SPATA6L: variants seen among roughly 807,000 people sequenced by gnomAD.
SPATA6L encodes spermatogenesis associated 6 like.
A neutral mutation model predicts 49.2 loss-of-function variants in SPATA6L; 68 were observed. The ratio of observed to expected loss-of-function variants is 1.38; its 90% CI spans 1.14 to 1.69. SPATA6L has a LOEUF of 1.69. SPATA6L is among the 40% of genes most tolerant of loss of function. The pLI is 0.00. For synonymous variants in SPATA6L, 198 were observed against 165.7 expected (o/e 1.19, Z -1.50); for missense variants, 668 against 464.3 (o/e 1.44, Z -4.03).
At chr9:4,616,974 A>G (rs1828174963) in intron 9 of SPATA6L, among the ~76,000 whole-genome samples, 1 of 152,242 alleles carries the variant, frequency 6.6e-6, no homozygotes, top group African/African-American at 2.4e-5. Context: ...GGATTTTATT[A>G]AAATATTTGA....
chr9:4,638,795 T>C (rs914699998), intron 3 of SPATA6L, among the ~76,000 whole-genome samples: 2 of 112,122 alleles, frequency 1.8e-5, no homozygotes, highest in Admixed American at 9.4e-5. Context: ...CTTTTCTTTT[T>C]TTTTTTTGAG....
intron 5 of SPATA6L, chr9:4,625,836 A>G (rs1455309015): frequency 8.2e-6 from 2 of 243,004 alleles, no homozygotes; most frequent in Non-Finnish European, 1.5e-5. Flanking sequence ...AGAAAGTGTC[A>G]GACACCTCCA....
intron 3 of SPATA6L, among the ~76,000 whole-genome samples, chr9:4,640,578 A>T (rs891593646): frequency 2.0e-5 from 3 of 152,122 alleles, no homozygotes; most frequent in African/African-American, 7.2e-5. Context: ...AAAAAAAAAA[A>T]ATTTTTGCTA....
downstream of SPATA6L, among the ~76,000 whole-genome samples, chr9:4,597,813 G>T (rs917363208): frequency 6.6e-6 from 1 of 152,136 alleles, no homozygotes; most frequent in African/African-American, 2.4e-5. Flanking sequence ...AGTCCCATCC[G>T]GTGGTACTAG....
chr9:4,617,946 C>G lies in SPATA6L; in HGVS notation c.972G>C (p.Leu324Phe). The G allele has an allele frequency of 3.1e-6, 5 of 1,612,724 alleles. No individual in the cohort carries two copies. The highest frequency in any genetic ancestry group is 4.2e-6 in the Non-Finnish European group (5 of 1,179,300). ...TYQHSTSPGPLDQPLLRERFH... is the reference protein window; with the variant it reads ...TYQHSTSPGPFDQPLLRERFH... Reference sequence around the variant, plus strand: ...ACCTTTCTCTGAGAAGGGGCTGATCCAAGGGGCCAGGAGAGGTGGAATGCT... The same window carrying G: ...ACCTTTCTCTGAGAAGGGGCTGATCGAAGGGGCCAGGAGAGGTGGAATGCT... The change falls in exon 9 of 12, where the codon TTG (leucine) becomes TTC (phenylalanine). Residue 324 changes from leucine to phenylalanine, a missense_variant. Leu to Phe is a conservative substitution (Grantham distance 22). Coordinates refer to ENST00000682582, the MANE Select transcript of SPATA6L (RefSeq NM_001353486.2).
chr9:4,604,385 T>A (rs1174573922), intron 10 of SPATA6L, 116 bp from the exon 11 acceptor site: 2 of 638,196 alleles, frequency 3.1e-6, no homozygotes, highest in African/African-American at 1.8e-5. Context: ...TGCCGTTATA[T>A]GGGGTTCACT....
At chr9:4,604,425 T>C (rs4742015) in intron 10 of SPATA6L, among the ~76,000 whole-genome samples, 156 bp from the exon 11 acceptor site, 20,227 of 152,088 alleles carry the variant, frequency 0.13, 2,292 homozygotes, top group East Asian at 0.35. Flanking sequence ...ATCTTTCTTT[T>C]TTTGTAGAGA....
At chr9:4,604,126 G>C in intron 11 of SPATA6L, 53 bp downstream of exon 11, 2 of 1,246,380 alleles carry the variant, frequency 1.6e-6, no homozygotes, top group Non-Finnish European at 1.1e-6. Flanking sequence ...AATTCTTTTA[G>C]CAAACCAAGA....
chr9:4,626,497 T>C, intron 5 of SPATA6L: 4 of 1,304,384 alleles, frequency 3.1e-6, no homozygotes, highest in Non-Finnish European at 4.0e-6. Context: ...TCTGTTCAGT[T>C]TCTTCTTTAA....
intron 3 of SPATA6L, among the ~76,000 whole-genome samples, chr9:4,641,567 C>G (rs902794458): frequency 6.6e-6 from 1 of 152,140 alleles, no homozygotes; most frequent in Non-Finnish European, 1.5e-5. Context: ...AAGAAAAAGT[C>G]TGTACATGTT....
intron 3 of SPATA6L, 126 bp downstream of exon 3, chr9:4,655,915 G>C (rs7869353): frequency 0.44 from 335,411 of 760,178 alleles, 75,839 homozygotes; most frequent in East Asian, 0.63. Context: ...ATTTTACGTA[G>C]GCTGTCTTGA....
intron 9 of SPATA6L, among the ~76,000 whole-genome samples, chr9:4,616,276 C>T (rs948716323): frequency 1.7e-4 from 26 of 150,838 alleles, no homozygotes; most frequent in African/African-American, 4.7e-4. Context: ...GACCCCATCT[C>T]GAAAAAAAAT....
In SPATA6L at chr9:4,629,055, C is replaced by T. The variant is rs372851980; in HGVS notation, c.429+36G>A. 168 of 1,440,424 alleles carry T rather than the reference C, an allele frequency of 1.2e-4. 1 individual carries two copies. Among genetic ancestry groups the T allele is most frequent in the African/African-American group, 1.5e-4 (10 of 68,868 alleles). The allele number at this position is 1,440,424 out of a possible 1,614,324, so 89.2% of individuals were successfully genotyped here. A position where few individuals can be genotyped will look rare whatever the true frequency, so the allele number is the denominator to read the frequency against. ...TCTTTAAATTTGAAAAAAAAAAATC[C>T]GGTCATTTCTATCACTAGATTTGTA... is the stretch of plus-strand genomic sequence containing the variant. On this transcript the variant is annotated intron_variant, in intron 5 of 11. Transcript: ENST00000682582.
In SPATA6L at chr9:4,626,403, GT is replaced by G. The variant is rs1448526104; in HGVS notation, c.430-838del. 3 of 1,302,442 alleles carry G rather than the reference GT, an allele frequency of 2.3e-6. No individual in the cohort carries two copies. The East Asian group carries it at 1.7e-4, about 72-fold the overall frequency. 80.7% of individuals were successfully genotyped at this position (1,302,442 alleles called of 1,614,324 possible). A position where few individuals can be genotyped will look rare whatever the true frequency, so the allele number is the denominator to read the frequency against. ...GCAGTGCCCCTCCTTTGAGATCTGA[GT>G]TCCAGCTCATCCAAGTCCCACCTTC... is the stretch of plus-strand genomic sequence containing the variant. On this transcript the variant is annotated intron_variant, in intron 5 of 11. Transcript: ENST00000682582.
intron 3 of SPATA6L, among the ~76,000 whole-genome samples, chr9:4,635,677 A>G (rs1832662925): frequency 6.6e-6 from 1 of 152,202 alleles, no homozygotes; most frequent in African/African-American, 2.4e-5. Flanking sequence ...TATCCATCCA[A>G]TTTTTCCTGC....
intron 2 of SPATA6L, among the ~76,000 whole-genome samples, chr9:4,658,961 A>C (rs1326935554): frequency 6.6e-6 from 1 of 151,998 alleles, no homozygotes; most frequent in Non-Finnish European, 1.5e-5. Flanking sequence ...AAAAAAAAAA[A>C]AAAAAAAGGC....
chr9:4,634,597 G>A (rs1028933695), intron 4 of SPATA6L, among the ~76,000 whole-genome samples: 1 of 152,140 alleles, frequency 6.6e-6, no homozygotes, highest in African/African-American at 2.4e-5. Context: ...TACGAGAAAC[G>A]CTGAGTATCA....
chr9:4,666,271 G>A lies in SPATA6L; in HGVS notation c.-21C>T, dbSNP rs1840853911. The A allele has an allele frequency of 6.2e-7, 1 of 1,613,926 alleles. No homozygotes were observed. Among genetic ancestry groups the A allele is most frequent in the East Asian group, 2.2e-5 (1 of 44,900 alleles). On this transcript the variant is annotated 5_prime_UTR_variant, in exon 1 of 12. Transcript: ENST00000682582. ...GGCATCGTTCCCTGCGTGGGCGAAA[G>A]GACTGGAATGAGAAGATCCTTTTGT...
intron 3 of SPATA6L, among the ~76,000 whole-genome samples, chr9:4,648,903 A>C (rs1836131119): frequency 4.6e-5 from 7 of 152,054 alleles, no homozygotes; most frequent in Admixed American, 4.6e-4. Context: ...CTTAGCTCCC[A>C]CTTATGAGTG....
Sources: gnomAD v4.1 joint callset for allele counts (sites outside exome capture counted in the v4.1 genomes callset) on GRCh38, gnomAD v4.1.1 for gene constraint, MANE v1.5 for transcripts, NCBI Gene and HGNC (gene_info 2026-07-23, HGNC 2026-07-21) for gene names.